ELMO1: variants seen among roughly 807,000 people sequenced by gnomAD.
ELMO1 encodes engulfment and cell motility 1, also known as engulfment and cell motility protein 1.
In ELMO1, 26 loss-of-function variants were observed where a neutral mutation model predicts 98.9. The observed-to-expected ratio is 0.26, with a 90% confidence interval of 0.19 to 0.36. The LOEUF (loss-of-function observed/expected upper bound fraction) is 0.36, where lower values mean the gene tolerates loss of function less well. Ranked by LOEUF, ELMO1 falls within the 10% of genes least tolerant of loss-of-function variation. The pLI is 1.00. For missense variants in ELMO1, 627 were observed against 935.2 expected (o/e 0.67, Z 4.30); for synonymous variants, 346 against 346.0 (o/e 1.00, Z 0.00).
At chr7:37,018,143 T>TTTA (rs1794054402) in intron 15 of ELMO1, among the ~76,000 whole-genome samples, 1 of 151,762 alleles carries the variant, frequency 6.6e-6, no homozygotes, top group Non-Finnish European at 1.5e-5. Flanking sequence ...TTTTTTTTTT[T>TTTA]GAGACAGAGT....
At chr7:36,939,047 C>A (rs868732939) in intron 16 of ELMO1, among the ~76,000 whole-genome samples, 2 of 151,584 alleles carry the variant, frequency 1.3e-5, no homozygotes, top group African/African-American at 4.9e-5. Flanking sequence ...AAGCTATAGA[C>A]ATTGCTAATT....
Position 37,047,190 on chromosome 7 carries a change from T to C in ELMO1, c.1301-33755A>G, listed in dbSNP as rs191498227. On this transcript the variant is annotated intron_variant, in intron 15 of 21. Coordinates refer to ENST00000310758, the MANE Select transcript of ELMO1 (RefSeq NM_014800.11). Reference sequence around the variant, plus strand: ...TGTCCCCACCCTATAGCACTTTGTCTGTAATACAAGTTTGTTGAATACAAA... The same window carrying C: ...TGTCCCCACCCTATAGCACTTTGTCCGTAATACAAGTTTGTTGAATACAAA... Among the ~76,000 whole-genome samples, 318 of 152,364 alleles carry C rather than the reference T, an allele frequency of 2.1e-3. 1 individual carries two copies. Among genetic ancestry groups the C allele is most frequent in the African/African-American group, 7.4e-3 (306 of 41,592 alleles).
intron 16 of ELMO1, among the ~76,000 whole-genome samples, chr7:36,962,442 G>A (rs994188687): frequency 1.2e-4 from 18 of 152,102 alleles, no homozygotes; most frequent in African/African-American, 2.7e-4. Flanking sequence ...CCCAAGAAGC[G>A]GAGAGCACTG....
At chr7:37,385,686 G>T (rs116836575) in intron 1 of ELMO1, among the ~76,000 whole-genome samples, 166 of 152,360 alleles carry the variant, frequency 1.1e-3, no homozygotes, top group African/African-American at 3.8e-3. Context: ...CCCGTGTCTA[G>T]GAGAGGGTCT....
intron 13 of ELMO1, among the ~76,000 whole-genome samples, chr7:37,174,500 A>G (rs1203458112): frequency 6.6e-6 from 1 of 152,194 alleles, no homozygotes; most frequent in Non-Finnish European, 1.5e-5. Flanking sequence ...GCTCCTGGAC[A>G]CATCAGCATG....
At chr7:37,016,786 AT>A (rs1793966009) in intron 15 of ELMO1, among the ~76,000 whole-genome samples, 1 of 152,220 alleles carries the variant, frequency 6.6e-6, no homozygotes, top group Non-Finnish European at 1.5e-5. Context: ...TTTTAAGATT[AT>A]AAATAGGAGA....
At chr7:37,253,962 C>A (rs988381842) in intron 6 of ELMO1, among the ~76,000 whole-genome samples, 10 of 152,120 alleles carry the variant, frequency 6.6e-5, no homozygotes, top group Non-Finnish European at 1.3e-4. Context: ...GGTTTCTATC[C>A]CAAAGGTTTC....
rs766206964 is a variant in ELMO1, at chr7:36,855,778, C to A, written c.1984-27G>T. 2.5e-6 allele frequency: 4 copies of A among 1,613,114 alleles called. No homozygotes were observed. The African/African-American group carries it at 5.3e-5, about 22-fold the overall frequency. On this transcript the variant is annotated intron_variant, in intron 21 of 21. Coordinates refer to ENST00000310758, the MANE Select transcript of ELMO1 (RefSeq NM_014800.11). The surrounding 1 kb of genome is among the most constrained non-coding windows in gnomAD (Gnocchi z 4.2). ...TGGCAGGAAGGGAGGCAACAGCGAT[C>A]ATTACTGGTGGCAATTACAGAAGTA...
At chr7:37,311,311 T>C (rs7797469) in intron 4 of ELMO1, among the ~76,000 whole-genome samples, 5,242 of 152,104 alleles carry the variant, frequency 0.034, 300 homozygotes, top group African/African-American at 0.12. Flanking sequence ...TATTGGATTG[T>C]TTGGCCAGCT....
chr7:36,988,993 A>T (rs1791691019), intron 16 of ELMO1, among the ~76,000 whole-genome samples: 2 of 152,234 alleles, frequency 1.3e-5, no homozygotes, highest in African/African-American at 4.8e-5. Context: ...TGATTGAAAC[A>T]ATCTATTTCA....
At chr7:36,913,423 A>T (rs1784471281) in intron 16 of ELMO1, among the ~76,000 whole-genome samples, 1 of 152,198 alleles carries the variant, frequency 6.6e-6, no homozygotes. Flanking sequence ...TGGAGGTGAA[A>T]ATTGCAGAAT....
chr7:37,412,745 G>A (rs373070343), intron 1 of ELMO1, among the ~76,000 whole-genome samples: 2 of 152,246 alleles, frequency 1.3e-5, no homozygotes, highest in Admixed American at 6.5e-5. Flanking sequence ...CAAAGGCTAG[G>A]TCAGAGAAAA....
At chr7:37,247,120 G>A (rs1390916772) in intron 6 of ELMO1, among the ~76,000 whole-genome samples, 1 of 151,998 alleles carries the variant, frequency 6.6e-6, no homozygotes, top group Admixed American at 6.6e-5. Flanking sequence ...GTAATATAGA[G>A]GGAAACCTCT....
Position 36,990,773 on chromosome 7 carries a change from A to G in ELMO1, c.1437+22526T>C, listed in dbSNP as rs574195635. 5.3e-5 allele frequency among the ~76,000 whole-genome samples: 8 copies of G among 152,288 alleles called. No individual in the cohort carries two copies. The South Asian group carries it at 1.7e-3, about 32-fold the overall frequency. ...ACTTTTTAAATAAATCCACAAATCAAAAAAGAATGTTAGGCGGTATACATG... is the reference window on the plus strand; with the variant it reads ...ACTTTTTAAATAAATCCACAAATCAGAAAAGAATGTTAGGCGGTATACATG... On this transcript the variant is annotated intron_variant, in intron 16 of 21. Coordinates refer to ENST00000310758, the MANE Select transcript of ELMO1 (RefSeq NM_014800.11).
chr7:36,865,243 AG>A (rs1408552573), intron 20 of ELMO1, among the ~76,000 whole-genome samples: 1 of 152,200 alleles, frequency 6.6e-6, no homozygotes, highest in Non-Finnish European at 1.5e-5. Flanking sequence ...GGTCATCATG[AG>A]GGTAAAACCT....
At chr7:37,207,423 A>C (rs984712649) in intron 13 of ELMO1, among the ~76,000 whole-genome samples, 4 of 150,926 alleles carry the variant, frequency 2.7e-5, no homozygotes, top group African/African-American at 7.3e-5. Flanking sequence ...GTGGTGGCGC[A>C]CTCCTGTAGT....
At chr7:37,131,376 G>A (rs1170393486) in intron 14 of ELMO1, among the ~76,000 whole-genome samples, 1 of 152,176 alleles carries the variant, frequency 6.6e-6, no homozygotes, top group Non-Finnish European at 1.5e-5. Context: ...TTGTCAGGCT[G>A]CCATGGTATT....
chr7:36,896,213 T>C (rs1311645149), intron 16 of ELMO1, among the ~76,000 whole-genome samples: 1 of 152,174 alleles, frequency 6.6e-6, no homozygotes, highest in African/African-American at 2.4e-5. Flanking sequence ...GAGGTGCTAG[T>C]ATCACTATGT....
intron 7 of ELMO1, among the ~76,000 whole-genome samples, chr7:37,242,170 A>G (rs898911228): frequency 1.3e-5 from 2 of 152,080 alleles, no homozygotes; most frequent in African/African-American, 4.8e-5. Flanking sequence ...CATTTTATCA[A>G]CTTTTCAGAT....
Sources: gnomAD v4.1 joint callset for allele counts (sites outside exome capture counted in the v4.1 genomes callset) on GRCh38, gnomAD v4.1.1 for gene constraint, Gnocchi (gnomAD v3.1) non-coding constraint, MANE v1.5 for transcripts, NCBI Gene and HGNC (gene_info 2026-07-23, HGNC 2026-07-21) for gene names.